ARHGAP28: variants seen among roughly 807,000 people sequenced by gnomAD.
The protein encoded by ARHGAP28 is rho GTPase-activating protein 28.
A neutral mutation model predicts 90.7 loss-of-function variants in ARHGAP28; 56 were observed. That is an observed-to-expected ratio of 0.62 (90% CI 0.50 to 0.77). ARHGAP28 has a LOEUF of 0.77. Among genes scored for constraint, ARHGAP28 ranks in the 30% least tolerant of loss-of-function variants. The pLI, the probability that ARHGAP28 is intolerant of heterozygous loss-of-function variation, is 0.00. For missense variants in ARHGAP28, 869 were observed against 900.9 expected (o/e 0.96, Z 0.45); for synonymous variants, 308 against 323.3 (o/e 0.95, Z 0.51).
At chr18:6,855,810 G>A (rs991868043) in intron 4 of ARHGAP28, among the ~76,000 whole-genome samples, 4 of 152,214 alleles carry the variant, frequency 2.6e-5, no homozygotes, top group African/African-American at 4.8e-5. Flanking sequence ...CACAGTGGAA[G>A]CCACCTGTGG....
At chr18:6,802,988 T>G (rs2056493127) in intron 1 of ARHGAP28, among the ~76,000 whole-genome samples, 2 of 152,164 alleles carry the variant, frequency 1.3e-5, no homozygotes, top group African/African-American at 4.8e-5. Flanking sequence ...TTTCTTTTAA[T>G]GTATTCTATA....
intron 3 of ARHGAP28, among the ~76,000 whole-genome samples, chr18:6,839,519 G>C (rs917120397): frequency 1.3e-5 from 2 of 152,028 alleles, no homozygotes; most frequent in South Asian, 2.1e-4. Context: ...GGATGGTCTC[G>C]ATTTCCTGAC....
chr18:6,888,824 C>G (rs2143707550), intron 12 of ARHGAP28, among the ~76,000 whole-genome samples: 1 of 152,234 alleles, frequency 6.6e-6, no homozygotes, highest in Admixed American at 6.5e-5. Context: ...CTCTCTGTCT[C>G]TCTAATTTTT....
At position 6,839,592 on chromosome 18, in the gene ARHGAP28, C is replaced by T. The variant is rs117549231; in HGVS notation, c.543+2178C>T. Among the ~76,000 whole-genome samples the T allele has an allele frequency of 8.6e-3, 1,311 of 152,254 alleles. 12 individuals carry two copies. The highest frequency in any genetic ancestry group is 0.033 in the East Asian group (173 of 5,180). On this transcript the variant is annotated intron_variant, in intron 3 of 17. Coordinates refer to ENST00000383472, the MANE Select transcript of ARHGAP28 (RefSeq NM_001366230.1). ...GATTACAGGCGTGAGCCACTGCGCC[C>T]GGCCATAATTTTTTTAGATTAAGAG...
intron 3 of ARHGAP28, among the ~76,000 whole-genome samples, chr18:6,841,184 T>TTTCTCTCTCTC (rs2056815734): frequency 3.3e-4 from 18 of 54,366 alleles, no homozygotes; most frequent in Admixed American, 1.9e-3. Context: ...CTCTCTCCTC[T>TTTCTCTCTCTC]CTCTCTCTCT....
rs1476764972 is a variant in ARHGAP28 at position 6,789,263 on chromosome 18, A to C, written c.123-35499A>C. 3.9e-5 allele frequency: 6 copies of C among 152,116 alleles called. No individual in the cohort carries two copies. In the East Asian group the frequency reaches 1.2e-3, roughly 29 times the overall value. The allele number at this position is 152,116 out of a possible 1,614,324, so 9.4% of individuals were successfully genotyped here. On this transcript the variant is annotated intron_variant, in intron 1 of 17. Coordinates refer to ENST00000383472, the MANE Select transcript of ARHGAP28 (RefSeq NM_001366230.1). ...AGGGAGCTAGCTGAAGGCTACCTCC[A>C]TGACAGATGTACACTTTGAAAAGAC...
At position 6,873,670 on chromosome 18, in the gene ARHGAP28, G is replaced by A. The variant is rs200054716; in HGVS notation, c.1121-14G>A. 1.5e-4 allele frequency: 239 copies of A among 1,607,168 alleles called. No individual in the cohort carries two copies. Among genetic ancestry groups the A allele is most frequent in the African/African-American group, 8.8e-4 (65 of 74,168 alleles). On this transcript the variant is annotated splice_polypyrimidine_tract_variant and intron_variant, in intron 8 of 17. Coordinates refer to ENST00000383472, the MANE Select transcript of ARHGAP28 (RefSeq NM_001366230.1). ...TTCTTTTTTTTTTTCCCCCTTTACT[G>A]TCTCACAATGAAGACAATGGGATTT...
intron 3 of ARHGAP28, 29 bp downstream of exon 3, chr18:6,837,443 A>G (rs770957909): frequency 9.4e-7 from 1 of 1,066,572 alleles, no homozygotes; most frequent in Non-Finnish European, 1.4e-6. Flanking sequence ...ATGGCTCAAA[A>G]GGCGCCTAGT....
chr18:6,837,463 G>C (rs957826238), intron 3 of ARHGAP28, 49 bp downstream of exon 3: 1 of 664,900 alleles, frequency 1.5e-6, no homozygotes. Flanking sequence ...TTTGACTGGG[G>C]ATGGGGTAGG....
intron 14 of ARHGAP28, among the ~76,000 whole-genome samples, chr18:6,890,768 T>A (rs187609109): frequency 6.6e-6 from 1 of 152,336 alleles, no homozygotes. Context: ...TTGAAATATC[T>A]CAGTCAGGAA....
intron 2 of ARHGAP28, among the ~76,000 whole-genome samples, chr18:6,834,203 A>G (rs574071679): frequency 6.6e-6 from 1 of 152,302 alleles, no homozygotes; most frequent in African/African-American, 2.4e-5. Context: ...GGAGATGATA[A>G]TCTAGTAGAA....
At position 6,782,592 on chromosome 18, in the gene ARHGAP28, ATTTTTTTTTTTTTTTT is replaced by A. The variant is rs10602816; in HGVS notation, c.123-42148_123-42133del. 7.5e-4 allele frequency among the ~76,000 whole-genome samples: 20 copies of A among 26,692 alleles called. No homozygotes were observed. In the South Asian group the frequency reaches 8.4e-3, roughly 11 times the overall value. 17.5% of individuals were successfully genotyped at this position (26,692 alleles called of 152,430 possible). A position where few individuals can be genotyped will look rare whatever the true frequency, so the allele number is the denominator to read the frequency against. ...GCCATCACGCCCAGCTAATTTTTGT[ATTTTTTTTTTTTTTTT>A]TTTTTTTTTTTTTTTTTTTTTAGTA... On this transcript the variant is annotated intron_variant, in intron 1 of 17. Transcript: ENST00000383472.
At chr18:6,823,882 G>A (rs1169500869) in intron 1 of ARHGAP28, among the ~76,000 whole-genome samples, 1 of 152,074 alleles carries the variant, frequency 6.6e-6, no homozygotes, top group African/African-American at 2.4e-5. Flanking sequence ...AAATAGCTGG[G>A]ATTACAGATG....
chr18:6,816,497 G>A (rs539242124), intron 1 of ARHGAP28, among the ~76,000 whole-genome samples: 2 of 152,184 alleles, frequency 1.3e-5, no homozygotes, highest in East Asian at 1.9e-4. Context: ...CAGTATCCAC[G>A]GGAATTTCTC....
chr18:6,760,742 C>T (rs2056152684), intron 1 of ARHGAP28, among the ~76,000 whole-genome samples: 1 of 152,160 alleles, frequency 6.6e-6, no homozygotes. Context: ...CCTCCATCAC[C>T]ATTACTATTA....
intron 11 of ARHGAP28, 41 bp downstream of exon 11, chr18:6,882,340 G>A (rs1311398019): frequency 1.2e-5 from 19 of 1,563,606 alleles, no homozygotes; most frequent in Non-Finnish European, 1.7e-5. Flanking sequence ...TAAGATATAA[G>A]GTCAATAAAG....
At chr18:6,816,482 G>A (rs2056591421) in intron 1 of ARHGAP28, among the ~76,000 whole-genome samples, 1 of 152,170 alleles carries the variant, frequency 6.6e-6, no homozygotes, top group Admixed American at 6.5e-5. Flanking sequence ...CAGGCTCACT[G>A]CAATCAGTAT....
intron 14 of ARHGAP28, among the ~76,000 whole-genome samples, chr18:6,893,220 A>C (rs1042049376): frequency 4.6e-5 from 7 of 152,168 alleles, no homozygotes; most frequent in Non-Finnish European, 1.0e-4. Context: ...CCAGTCTTTG[A>C]GGGAGCCACC....
chr18:6,908,938 A>G, intron 16 of ARHGAP28, 22 bp from the exon 17 acceptor site: 2 of 1,401,874 alleles, frequency 1.4e-6, no homozygotes, highest in Non-Finnish European at 2.0e-6. Context: ...CTAAAATTAT[A>G]TTATTTTCTC....
Sources: allele counts gnomAD v4.1 joint callset (sites outside exome capture counted in the v4.1 genomes callset), GRCh38; gene constraint gnomAD v4.1.1; transcripts MANE v1.5; gene names NCBI Gene and HGNC (gene_info 2026-07-23, HGNC 2026-07-21).